FARS2: variants seen among roughly 807,000 people sequenced by gnomAD.
The protein encoded by FARS2 is phenylalanyl-tRNA synthetase 2, mitochondrial.
FARS2 carries 40 observed loss-of-function variants against 46.4 expected under a neutral mutation model. That is an observed-to-expected ratio of 0.86 (90% CI 0.67 to 1.12). FARS2 has a LOEUF of 1.12. Ranked by LOEUF, FARS2 falls within the 50% of genes most tolerant of loss-of-function variation. The pLI is 0.00. For missense variants in FARS2, 513 were observed against 567.9 expected (o/e 0.90, Z 0.98); for synonymous variants, 234 against 214.9 (o/e 1.09, Z -0.78).
At chr6:5,326,561 G>A (rs1770399346) in intron 1 of FARS2, among the ~76,000 whole-genome samples, 1 of 152,208 alleles carries the variant, frequency 6.6e-6, no homozygotes, top group Non-Finnish European at 1.5e-5. Flanking sequence ...GCACCAGCCA[G>A]GATTAGAGAC....
At chr6:5,605,082 C>G (rs1774754107) in intron 5 of FARS2, among the ~76,000 whole-genome samples, 1 of 152,206 alleles carries the variant, frequency 6.6e-6, no homozygotes, top group Non-Finnish European at 1.5e-5. Flanking sequence ...TGCACTTTGC[C>G]TGCTCCAAAC....
At chr6:5,419,156 T>C (rs1298293374) in intron 3 of FARS2, among the ~76,000 whole-genome samples, 1 of 152,182 alleles carries the variant, frequency 6.6e-6, no homozygotes, top group Admixed American at 6.5e-5. Context: ...GTGGCTGGTG[T>C]TTTCCTTCTC....
rs528151430 is a variant in FARS2, at chr6:5,706,094, C to T, written c.1218-65197C>T. Among the ~76,000 whole-genome samples the T allele has an allele frequency of 2.4e-3, 364 of 152,280 alleles. 2 individuals carry two copies. Among genetic ancestry groups the T allele is most frequent in the African/African-American group, 7.9e-3 (330 of 41,546 alleles). ...GGATGGTTTCAGGATGAAACTGCTC[C>T]ACCTCAGATCATCAGGCATCAGATT... On this transcript the variant is annotated intron_variant, in intron 6 of 6. Transcript: ENST00000274680.
Position 5,539,384 on chromosome 6 carries a change from G to GTGTGTATATATATATATATATA in FARS2, c.905-5795_905-5794insGTGTATATATATATATATATAT. ...ACCATGCCCACCTAATTTTTTTTGTGTATATATATATATATGTATATATTT... is the reference window on the plus strand; with the variant it reads ...ACCATGCCCACCTAATTTTTTTTGTGTGTGTATATATATATATATATATATATATATATATATGTATATATTT... On this transcript the variant is annotated intron_variant, in intron 4 of 6. Transcript: ENST00000274680. Among the ~76,000 whole-genome samples, 35 of 79,576 alleles carry GTGTGTATATATATATATATATA rather than the reference G, an allele frequency of 4.4e-4. 1 individual carries two copies. Among genetic ancestry groups the GTGTGTATATATATATATATATA allele is most frequent in the South Asian group, 1.0e-3 (3 of 2,876 alleles). 52.2% of individuals were successfully genotyped at this position (79,576 alleles called of 152,430 possible).
chr6:5,591,891 C>A (rs1773938566), intron 5 of FARS2, among the ~76,000 whole-genome samples: 1 of 152,194 alleles, frequency 6.6e-6, no homozygotes, highest in Admixed American at 6.5e-5. Context: ...TTGTAAATTT[C>A]TTGTGGAAAA....
At chr6:5,645,032 T>C (rs1777009557) in intron 6 of FARS2, among the ~76,000 whole-genome samples, 1 of 152,216 alleles carries the variant, frequency 6.6e-6, no homozygotes, top group South Asian at 2.1e-4. Flanking sequence ...GAATAGTACC[T>C]TATTAAACAT....
intron 6 of FARS2, among the ~76,000 whole-genome samples, chr6:5,644,222 T>C (rs556920731): frequency 5.2e-4 from 79 of 152,164 alleles, no homozygotes; most frequent in Middle Eastern, 3.4e-3. Context: ...TCTTTTGCTT[T>C]TTTTTTCTTT....
intron 4 of FARS2, among the ~76,000 whole-genome samples, chr6:5,534,553 T>A (rs1770066906): frequency 6.6e-6 from 1 of 152,216 alleles, no homozygotes; most frequent in Non-Finnish European, 1.5e-5. Flanking sequence ...AGCCTGTTGT[T>A]TTTGAGGTTC....
At chr6:5,389,855 G>GT (rs34436906) in intron 2 of FARS2, among the ~76,000 whole-genome samples, 62,457 of 151,750 alleles carry the variant, frequency 0.41, 14,362 homozygotes, top group East Asian at 0.61. Context: ...TGTTGTTATT[G>GT]TTGTTTTTGT....
intron 5 of FARS2, among the ~76,000 whole-genome samples, chr6:5,608,890 T>TAAA (rs34515855): frequency 6.7e-6 from 1 of 149,218 alleles, no homozygotes; most frequent in African/African-American, 2.5e-5. Flanking sequence ...TACAGCACAT[T>TAAA]AAAAAAAAAA....
At chr6:5,675,463 G>C (rs1480279764) in intron 6 of FARS2, among the ~76,000 whole-genome samples, 1 of 152,190 alleles carries the variant, frequency 6.6e-6, no homozygotes, top group Admixed American at 6.5e-5. Context: ...TTTGGTATCA[G>C]TGTAGTATTG....
chr6:5,609,895 A>C, intron 5 of FARS2: 1 of 1,011,890 alleles, frequency 9.9e-7, no homozygotes, highest in East Asian at 2.4e-5. Context: ...TTTCACAGTT[A>C]AGTGGGCATC....
At chr6:5,578,523 C>T (rs1308201604) in intron 5 of FARS2, among the ~76,000 whole-genome samples, 1 of 151,864 alleles carries the variant, frequency 6.6e-6, no homozygotes, top group African/African-American at 2.4e-5. Context: ...AAAAAGAAAA[C>T]AGTGGGCCAG....
chr6:5,453,434 T>C (rs1406871557), intron 4 of FARS2, among the ~76,000 whole-genome samples: 1 of 152,200 alleles, frequency 6.6e-6, no homozygotes, highest in African/African-American at 2.4e-5. Flanking sequence ...GTGCTCATCC[T>C]TTTTCAGAGA....
intron 3 of FARS2, 106 bp from the exon 4 acceptor site, chr6:5,430,935 C>T (rs1763124168): frequency 1.8e-6 from 2 of 1,104,116 alleles, no homozygotes; most frequent in Admixed American, 4.4e-5. Context: ...ATTTATTTTA[C>T]TCAGAATGTA....
chr6:5,321,450 A>G (rs978580701), intron 1 of FARS2, among the ~76,000 whole-genome samples: 2 of 151,972 alleles, frequency 1.3e-5, no homozygotes, highest in African/African-American at 4.8e-5. Flanking sequence ...CGCCTGTGGG[A>G]TGTGTTGGGG....
intron 6 of FARS2, chr6:5,665,018 C>T (rs928194456): frequency 2.6e-5 from 4 of 152,120 alleles, no homozygotes; most frequent in Admixed American, 2.6e-4. Context: ...CTTGTTGCTT[C>T]AGGGCAAAAC....
chr6:5,617,418 T>G (rs1490987697), intron 6 of FARS2, among the ~76,000 whole-genome samples: 1 of 152,232 alleles, frequency 6.6e-6, no homozygotes, highest in Admixed American at 6.5e-5. Context: ...AGGGGCTTGG[T>G]GATTGGAGTA....
intron 1 of FARS2, among the ~76,000 whole-genome samples, chr6:5,345,933 C>T (rs565412878): frequency 2.0e-5 from 3 of 152,098 alleles, no homozygotes; most frequent in South Asian, 2.1e-4. Flanking sequence ...TTTTCAAATG[C>T]CTTGTCACCA....
Sources: gnomAD v4.1 joint callset for allele counts (sites outside exome capture counted in the v4.1 genomes callset) on GRCh38, gnomAD v4.1.1 for gene constraint, MANE v1.5 for transcripts, NCBI Gene and HGNC (gene_info 2026-07-23, HGNC 2026-07-21) for gene names.